Variants in TRMT2B observed in about 807,000 individuals in gnomAD.
TRMT2B encodes the protein tRNA methyltransferase 2B.
A neutral mutation model predicts 39.7 loss-of-function variants in TRMT2B; 34 were observed. That is an observed-to-expected ratio of 0.86 (90% CI 0.65 to 1.14). The LOEUF (loss-of-function observed/expected upper bound fraction) is 1.14. Among genes scored for constraint, TRMT2B ranks in the 50% most tolerant of loss-of-function variants. The pLI, the probability that TRMT2B is intolerant of heterozygous loss-of-function variation, is 0.00. For synonymous variants in TRMT2B, 132 were observed against 137.3 expected, an observed-to-expected ratio of 0.96 and a Z score of 0.27; for missense variants, 318 against 377.2, an observed-to-expected ratio of 0.84 and a Z score of 1.30.
chrX:100,976,105 G>GA, the TRMT2B span, among the ~76,000 whole-genome samples: 3 of 110,245 alleles, frequency 2.7e-5, no homozygotes, highest in South Asian at 7.8e-4. Context: ...ATAGCAGCAG[G>GA]AAAAATCCAG....
intron 12 of TRMT2B, 72 bp from the exon 13 acceptor site, chrX:101,019,142 A>G: frequency 9.0e-7 from 1 of 1,109,084 alleles, no homozygotes; most frequent in Admixed American, 2.2e-5. Context: ...CTTCCAACTG[A>G]CCAGAACTCA....
At chrX:101,051,084 C>CA (rs36049036) in intron 2 of TRMT2B, among the ~76,000 whole-genome samples, 167 bp downstream of exon 2, 1,979 of 75,128 alleles carry the variant, frequency 0.026, 69 homozygotes, top group African/African-American at 0.085. Context: ...TTTTCCTCAG[C>CA]AAAAAAAAAA....
the TRMT2B span, among the ~76,000 whole-genome samples, chrX:100,982,840 G>A: frequency 9.1e-6 from 1 of 110,069 alleles, no homozygotes; most frequent in South Asian, 4.0e-4. Context: ...CTCACCAGAT[G>A]ATGCTGAGAC....
At chrX:100,991,959 A>G in the TRMT2B span, among the ~76,000 whole-genome samples, 1 of 110,868 alleles carries the variant, frequency 9.0e-6, no homozygotes, top group Admixed American at 9.7e-5. Context: ...AGGCTGATTA[A>G]TGGATACATA....
chrX:100,995,194 T>C, the TRMT2B span, among the ~76,000 whole-genome samples: 2 of 111,200 alleles, frequency 1.8e-5, no homozygotes, highest in Non-Finnish European at 3.8e-5. Flanking sequence ...GACATGAAAG[T>C]GTATAGAGAA....
In TRMT2B at chrX:101,019,402, G is replaced by A. The variant is rs2086682764; in HGVS notation, c.1170C>T (p.Gly390=). The A allele has an allele frequency of 1.7e-6, 2 of 1,210,893 alleles. No individual in the cohort carries two copies. The highest frequency in any genetic ancestry group is 2.2e-5 in the Admixed American group (1 of 45,788). ...EDARWTAAFN[G]ITNSEFHTGQ... is the part of the protein sequence containing the mutation. ...CAGTATGAAATTCAGAGTTGGTGAT[G>A]CCTATGGAAGACAGGCCCACAGGAC... Residue 390 remains glycine, a splice_region_variant and synonymous_variant, in exon 12 of 14, where the codon GGC becomes GGT. Transcript: ENST00000372936.
chrX:100,988,502 A>G, the TRMT2B span: 1 of 1,172,296 alleles, frequency 8.5e-7, no homozygotes, highest in Non-Finnish European at 1.1e-6. Context: ...CTTTGCTACA[A>G]TTGAAGGAGT....
At position 101,037,080 on chromosome X, in the gene TRMT2B, A is replaced by G. The variant is rs2087887848; in HGVS notation, c.439-7T>C. 2 of 1,178,046 alleles carry G rather than the reference A, an allele frequency of 1.7e-6. No individual in the cohort carries two copies. Among genetic ancestry groups the G allele is most frequent in the Non-Finnish European group, 2.3e-6 (2 of 866,371 alleles). ...GGTAACCATTGATGACAGGCTGGAG[A>G]GGGCAGAAGGACAGGAGGGGGATGA... is the stretch of plus-strand genomic sequence containing the variant. On this transcript the variant is annotated splice_polypyrimidine_tract_variant and splice_region_variant and intron_variant, in intron 5 of 13. Transcript: ENST00000372936.
At chrX:100,973,380 G>A in the TRMT2B span, among the ~76,000 whole-genome samples, 20 of 99,073 alleles carry the variant, frequency 2.0e-4, no homozygotes, top group African/African-American at 7.3e-4. Flanking sequence ...CCTTGCCCTC[G>A]GGCCCCGCGG....
intron 13 of TRMT2B, 77 bp from the exon 14 acceptor site, chrX:101,010,784 G>A: frequency 9.5e-7 from 1 of 1,051,373 alleles, no homozygotes; most frequent in Admixed American, 2.7e-5. Context: ...CTAAAATAGA[G>A]GCCCTTCCAC....
At chrX:101,024,530 T>TA (rs945109611) in intron 7 of TRMT2B, among the ~76,000 whole-genome samples, 14 of 109,037 alleles carry the variant, frequency 1.3e-4, no homozygotes, top group African/African-American at 4.7e-4. Flanking sequence ...CTACAAAAAA[T>TA]AAAAAAAATT....
At position 101,023,613 on chromosome X, in the gene TRMT2B, A is replaced by G. The variant is rs759145722; in HGVS notation, c.613T>C (p.Tyr205His). 8.4e-7 allele frequency: 1 copy of G among 1,192,676 alleles called. No homozygotes were observed. The highest frequency in any genetic ancestry group is 1.1e-6 in the Non-Finnish European group (1 of 881,865). ...PEKHSQVAQY[Y>H]EVFLRQSPLE... ...GGAGACTGTCGAAGGAATACTTCAT[A>G]GTACTAGGAAGAGAACCGAATTATT... The change falls in exon 8 of 14, where the codon TAT becomes CAT. Residue 205 changes from tyrosine (Y) to histidine (H), a missense_variant. Physicochemically the swap from Tyr to His is moderately conservative, Grantham distance 83 (BLOSUM62 2). Coordinates refer to ENST00000372936, the MANE Select transcript of TRMT2B (RefSeq NM_024917.6).
the TRMT2B span, among the ~76,000 whole-genome samples, chrX:100,983,872 T>TA: frequency 9.0e-6 from 1 of 111,451 alleles, no homozygotes; most frequent in African/African-American, 3.3e-5. Flanking sequence ...AAAAGTATAT[T>TA]ACTAACTTTT....
the TRMT2B span, among the ~76,000 whole-genome samples, chrX:100,989,335 G>C: frequency 9.0e-6 from 1 of 111,385 alleles, no homozygotes; most frequent in Non-Finnish European, 1.9e-5. Context: ...TTTTTGGCCA[G>C]GCGTAGTGGC....
intron 7 of TRMT2B, among the ~76,000 whole-genome samples, chrX:101,033,166 G>A (rs971192623): frequency 1.1e-4 from 12 of 107,350 alleles, no homozygotes; most frequent in African/African-American, 4.1e-4. Flanking sequence ...TGAGGCAGGA[G>A]AATTGCTTGA....
chrX:101,027,898 T>A (rs1353835540), intron 7 of TRMT2B, among the ~76,000 whole-genome samples: 1 of 109,026 alleles, frequency 9.2e-6, no homozygotes, highest in Non-Finnish European at 1.9e-5. Flanking sequence ...AGTAACTTCA[T>A]CCTTCCACTT....
chrX:101,040,758 T>C, intron 4 of TRMT2B, among the ~76,000 whole-genome samples: 1 of 111,883 alleles, frequency 8.9e-6, no homozygotes, highest in Non-Finnish European at 1.9e-5. Context: ...GCTACTCACA[T>C]ACACAGAGCT....
the TRMT2B span, among the ~76,000 whole-genome samples, chrX:100,982,668 G>A: frequency 2.3e-5 from 2 of 86,106 alleles, no homozygotes; most frequent in African/African-American, 8.2e-5. Context: ...TTTTTTTTGA[G>A]ACAGAGTCTC....
the TRMT2B span, among the ~76,000 whole-genome samples, chrX:100,975,457 G>A: frequency 1.8e-5 from 2 of 111,306 alleles, no homozygotes; most frequent in Non-Finnish European, 3.8e-5. Context: ...GCAATTGCAA[G>A]TCCATCCCCT....
Sources: allele counts gnomAD v4.1 joint callset (sites outside exome capture counted in the v4.1 genomes callset), GRCh38; gene constraint gnomAD v4.1.1; transcripts MANE v1.5; gene names NCBI Gene and HGNC (gene_info 2026-07-23, HGNC 2026-07-21).